The following DOK5 variants were observed in gnomAD, a reference collection of about 807,000 sequenced individuals.
DOK5 encodes the protein downstream of tyrosine kinase 5.
A neutral mutation model predicts 43.3 loss-of-function variants in DOK5; 27 were observed. The observed-to-expected ratio is 0.62, with a 90% CI of 0.46 to 0.86. The LOEUF (loss-of-function observed/expected upper bound fraction) is 0.86. DOK5 is among the 40% of genes least tolerant of loss of function. The probability of loss-of-function intolerance (pLI) is 0.00; values close to 1 mark genes in which losing one functional copy is unlikely to be tolerated. For synonymous variants in DOK5, 146 were observed against 140.1 expected, an observed-to-expected ratio of 1.04 and a Z score of -0.30; for missense variants, 373 against 392.9, an observed-to-expected ratio of 0.95 and a Z score of 0.43.
intron 7 of DOK5, among the ~76,000 whole-genome samples, chr20:54,644,409 T>TA (rs148602809): frequency 0.021 from 3,122 of 151,138 alleles, 51 homozygotes; most frequent in Middle Eastern, 0.051. Context: ...CTGTCTTTAC[T>TA]AAAAAAAATA....
At chr20:54,601,293 G>A (rs1359235725) in intron 5 of DOK5, among the ~76,000 whole-genome samples, 1 of 152,212 alleles carries the variant, frequency 6.6e-6, no homozygotes, top group Non-Finnish European at 1.5e-5. Flanking sequence ...TTGTGTTTGA[G>A]TTTAGAACTG....
intron 6 of DOK5, among the ~76,000 whole-genome samples, chr20:54,635,469 C>T (rs1600756138): frequency 6.6e-6 from 1 of 152,210 alleles, no homozygotes; most frequent in Admixed American, 6.5e-5. Context: ...GTCTCCACAA[C>T]CCCTTACCTT....
At chr20:54,628,388 G>T (rs1310843099) in intron 6 of DOK5, among the ~76,000 whole-genome samples, 1 of 114,178 alleles carries the variant, frequency 8.8e-6, no homozygotes, top group Non-Finnish European at 1.6e-5. Context: ...CAGCCTGGGC[G>T]ACAGAGCGAG....
At chr20:54,551,703 GT>G (rs1256359476) in intron 1 of DOK5, among the ~76,000 whole-genome samples, 5 of 152,098 alleles carry the variant, frequency 3.3e-5, no homozygotes, top group African/African-American at 1.2e-4. Context: ...TTGTATCTGT[GT>G]TTTTATATTG....
intron 5 of DOK5, among the ~76,000 whole-genome samples, chr20:54,597,374 C>T (rs1471764428): frequency 3.3e-5 from 5 of 152,192 alleles, no homozygotes; most frequent in South Asian, 4.2e-4. Context: ...ACAGAATAGT[C>T]CTTGACAACA....
chr20:54,577,219 A>G (rs1052918850), intron 2 of DOK5, among the ~76,000 whole-genome samples: 7 of 152,218 alleles, frequency 4.6e-5, no homozygotes, highest in Non-Finnish European at 1.0e-4. Flanking sequence ...ATAATAGTTT[A>G]CCAAGGATGT....
At chr20:54,564,339 G>A (rs999064074) in intron 2 of DOK5, among the ~76,000 whole-genome samples, 1 of 152,192 alleles carries the variant, frequency 6.6e-6, no homozygotes, top group Non-Finnish European at 1.5e-5. Flanking sequence ...GCTGAGGCAG[G>A]AGAATGGCAT....
intron 7 of DOK5, among the ~76,000 whole-genome samples, chr20:54,646,185 A>G (rs1207019690): frequency 6.6e-6 from 1 of 150,702 alleles, no homozygotes; most frequent in Non-Finnish European, 1.5e-5. Context: ...TTCTATTTTA[A>G]TATACTTCTT....
chr20:54,578,376 C>T (rs1343308962), intron 2 of DOK5, among the ~76,000 whole-genome samples: 1 of 152,010 alleles, frequency 6.6e-6, no homozygotes, highest in African/African-American at 2.4e-5. Flanking sequence ...CAAATTTTAG[C>T]TCCATTTCAA....
At chr20:54,633,671 C>T (rs1226924634) in intron 6 of DOK5, among the ~76,000 whole-genome samples, 6 of 152,114 alleles carry the variant, frequency 3.9e-5, no homozygotes, top group South Asian at 2.1e-4. Context: ...AATTACAATA[C>T]GATTTGCATA....
chr20:54,568,391 C>A (rs1985162922), intron 2 of DOK5, among the ~76,000 whole-genome samples: 1 of 152,176 alleles, frequency 6.6e-6, no homozygotes, highest in Admixed American at 6.5e-5. Context: ...CACATATAAT[C>A]TCTTTGTACA....
intron 1 of DOK5, among the ~76,000 whole-genome samples, chr20:54,484,336 G>T (rs954716290): frequency 6.6e-6 from 1 of 150,774 alleles, no homozygotes; most frequent in Non-Finnish European, 1.5e-5. Flanking sequence ...CCGAGATTGC[G>T]CCACTGCACT....
At chr20:54,574,725 C>A (rs1197290936) in intron 2 of DOK5, among the ~76,000 whole-genome samples, 2 of 152,062 alleles carry the variant, frequency 1.3e-5, no homozygotes, top group African/African-American at 2.4e-5. Context: ...ACCTGGCAAT[C>A]ATAGACATGT....
intron 6 of DOK5, among the ~76,000 whole-genome samples, chr20:54,638,720 T>G (rs1428411165): frequency 6.6e-6 from 1 of 151,924 alleles, no homozygotes; most frequent in Non-Finnish European, 1.5e-5. Flanking sequence ...AGTATACAGT[T>G]TGTTCCACCA....
At chr20:54,554,542 A>G (rs1165350008) in intron 1 of DOK5, among the ~76,000 whole-genome samples, 1 of 152,224 alleles carries the variant, frequency 6.6e-6, no homozygotes, top group East Asian at 1.9e-4. Context: ...TAGGATGGGC[A>G]ATGAGATCTT....
chr20:54,573,889 T>C (rs936488865), intron 2 of DOK5, among the ~76,000 whole-genome samples: 1 of 152,042 alleles, frequency 6.6e-6, no homozygotes, highest in Non-Finnish European at 1.5e-5. Context: ...CTTCCAACTA[T>C]GCAAACAGAG....
At chr20:54,550,786 C>T (rs1984503526) in intron 1 of DOK5, among the ~76,000 whole-genome samples, 2 of 152,152 alleles carry the variant, frequency 1.3e-5, no homozygotes, top group Admixed American at 1.3e-4. Flanking sequence ...TTCGTTTAAT[C>T]ATTCACCCAC....
chr20:54,576,525 G>T (rs1430340873), intron 2 of DOK5, among the ~76,000 whole-genome samples: 1 of 152,196 alleles, frequency 6.6e-6, no homozygotes, highest in Non-Finnish European at 1.5e-5. Flanking sequence ...GACCAGGAAG[G>T]GGTGGAATTG....
At chr20:54,638,862 A>G (rs1978974376) in intron 6 of DOK5, among the ~76,000 whole-genome samples, 1 of 140,334 alleles carries the variant, frequency 7.1e-6, no homozygotes, top group Admixed American at 7.7e-5. Flanking sequence ...TTGTATTTTT[A>G]GTAGAGACGG....
Sources: allele counts gnomAD v4.1 joint callset (sites outside exome capture counted in the v4.1 genomes callset), GRCh38; gene constraint gnomAD v4.1.1; transcripts MANE v1.5; gene names NCBI Gene and HGNC (gene_info 2026-07-23, HGNC 2026-07-21).